GRIN2B: variants seen among roughly 807,000 people sequenced by gnomAD.
The protein encoded by GRIN2B is glutamate receptor ionotropic, NMDA 2B.
Under a neutral mutation model 114.5 loss-of-function variants are expected in GRIN2B, and 5 were observed. The observed-to-expected ratio is 0.04, with a 90% CI of 0.02 to 0.09. The LOEUF (loss-of-function observed/expected upper bound fraction) is 0.09, where lower values mean the gene tolerates loss of function less well. Ranked by LOEUF, GRIN2B falls within the 10% of genes least tolerant of loss-of-function variation. The pLI is 1.00. For synonymous variants in GRIN2B, 787 were observed against 745.1 expected (o/e 1.06, Z -0.92); for missense variants, 1,108 against 1,943.5 (o/e 0.57, Z 8.08).
At chr12:13,905,865 T>G (rs1010025970) in intron 2 of GRIN2B, among the ~76,000 whole-genome samples, 12 of 152,188 alleles carry the variant, frequency 7.9e-5, no homozygotes, top group Non-Finnish European at 1.5e-5. Flanking sequence ...CCCGTTCTGC[T>G]CAGCCTCAAG....
chr12:13,668,527 G>C (rs565623747), intron 5 of GRIN2B, among the ~76,000 whole-genome samples: 2 of 152,142 alleles, frequency 1.3e-5, no homozygotes, highest in African/African-American at 4.8e-5. Flanking sequence ...GAATGGTGTA[G>C]TCAAACAGGA....
rs57206826 is a variant in GRIN2B at position 13,547,981 on chromosome 12, A to ATTTTTTTTTTTTTTTTTTTTTTT, written c.*14801_*14802insAAAAAAAAAAAAAAAAAAAAAAA. On this transcript the variant is annotated 3_prime_UTR_variant, in exon 14 of 14. Transcript: ENST00000609686. ...TGTGTATATATATATATATATATATATTTTTTTTTTTTTTCTGAAAGCTAC... is the reference window on the plus strand; with the variant it reads ...TGTGTATATATATATATATATATATATTTTTTTTTTTTTTTTTTTTTTTTTTTTTTTTTTTTTCTGAAAGCTAC... 1 of 68,578 alleles carries ATTTTTTTTTTTTTTTTTTTTTTT rather than the reference A, an allele frequency of 1.5e-5. No individual in the cohort carries two copies. The highest frequency in any genetic ancestry group is 2.9e-5 in the Non-Finnish European group (1 of 34,410). The allele number at this position is 68,578 out of a possible 1,614,324, so 4.2% of individuals were successfully genotyped here.
chr12:13,933,886 G>A (rs576612238), intron 2 of GRIN2B, among the ~76,000 whole-genome samples: 24 of 152,286 alleles, frequency 1.6e-4, no homozygotes, highest in Non-Finnish European at 1.5e-5. Flanking sequence ...AGGGCTAGAA[G>A]CGGTAAGAGT....
At chr12:13,882,855 C>T (rs994998919) in intron 2 of GRIN2B, among the ~76,000 whole-genome samples, 1 of 152,134 alleles carries the variant, frequency 6.6e-6, no homozygotes, top group African/African-American at 2.4e-5. Flanking sequence ...ATATAACCAC[C>T]ACCATAACCA....
chr12:13,650,833 C>G (rs1949805959), intron 5 of GRIN2B, among the ~76,000 whole-genome samples: 1 of 152,080 alleles, frequency 6.6e-6, no homozygotes, highest in Admixed American at 6.6e-5. Context: ...AGAATGAATA[C>G]TCCATGAAGG....
chr12:13,895,186 A>G (rs1477236061), intron 2 of GRIN2B, among the ~76,000 whole-genome samples: 1 of 152,230 alleles, frequency 6.6e-6, no homozygotes, highest in Admixed American at 6.5e-5. Flanking sequence ...CAAAGAAATC[A>G]TGAGGTCAAA....
Position 13,562,630 on chromosome 12 carries a change from T to G in GRIN2B, c.*153A>C, listed in dbSNP as rs1443318793. On this transcript the variant is annotated 3_prime_UTR_variant, in exon 14 of 14. Transcript: ENST00000609686. Reference sequence around the variant, plus strand: ...TGCTGGTCACCAGGGTTGCCCCCAGTAGGAACCAGAACTCCAGGATCCCAT... The same window carrying G: ...TGCTGGTCACCAGGGTTGCCCCCAGGAGGAACCAGAACTCCAGGATCCCAT... The G allele has an allele frequency of 1.4e-6, 1 of 711,556 alleles. No individual in the cohort carries two copies. Among genetic ancestry groups the G allele is most frequent in the African/African-American group, 1.8e-5 (1 of 56,646 alleles). 44.1% of individuals were successfully genotyped at this position (711,556 alleles called of 1,614,324 possible). A position where few individuals can be genotyped will look rare whatever the true frequency, so the allele number is the denominator to read the frequency against.
intron 2 of GRIN2B, among the ~76,000 whole-genome samples, chr12:13,939,780 G>A (rs1867204047): frequency 6.6e-6 from 1 of 151,794 alleles, no homozygotes; most frequent in Admixed American, 6.6e-5. Context: ...AATGCTTCTT[G>A]TACAGCCTGC....
At chr12:13,963,960 G>T (rs962414541) in intron 2 of GRIN2B, among the ~76,000 whole-genome samples, 2 of 152,116 alleles carry the variant, frequency 1.3e-5, no homozygotes, top group Non-Finnish European at 2.9e-5. Context: ...ACTTTGAGAG[G>T]GGAGGAGAAC....
chr12:13,732,570 G>T (rs971201378), intron 4 of GRIN2B, among the ~76,000 whole-genome samples: 1 of 152,100 alleles, frequency 6.6e-6, no homozygotes, highest in African/African-American at 2.4e-5. Flanking sequence ...CATTTGAATT[G>T]TACTATACCA....
At chr12:13,746,347 T>C (rs993696750) in intron 4 of GRIN2B, among the ~76,000 whole-genome samples, 2 of 152,178 alleles carry the variant, frequency 1.3e-5, no homozygotes, top group Non-Finnish European at 2.9e-5. Context: ...ACCCATGCCA[T>C]TGTCACCAAC....
chr12:13,632,710 C>A (rs1234999759), intron 5 of GRIN2B, among the ~76,000 whole-genome samples: 3 of 152,078 alleles, frequency 2.0e-5, no homozygotes, highest in Non-Finnish European at 4.4e-5. Context: ...GGGTTGAGGG[C>A]TAAGCAAAGG....
Position 13,543,356 on chromosome 12 carries a change from A to G in GRIN2B, c.*19427T>C, listed in dbSNP as rs1948305710. ...CTGAGTGATCCCAGCTTGAATCTCA[A>G]TCCTCTGCCTCTAATATGCTTCATT... On this transcript the variant is annotated 3_prime_UTR_variant, in exon 14 of 14. Coordinates refer to ENST00000609686, the MANE Select transcript of GRIN2B (RefSeq NM_000834.5). The G allele has an allele frequency of 1.3e-5, 2 of 152,082 alleles. No individual in the cohort carries two copies. The highest frequency in any genetic ancestry group is 2.9e-5 in the Non-Finnish European group (2 of 68,024). The allele number at this position is 152,082 out of a possible 1,614,324, so 9.4% of individuals were successfully genotyped here.
intron 3 of GRIN2B, among the ~76,000 whole-genome samples, chr12:13,779,446 A>G (rs1864067126): frequency 6.6e-6 from 1 of 152,236 alleles, no homozygotes; most frequent in East Asian, 1.9e-4. Flanking sequence ...GCACTATCCA[A>G]CAGAAATATA....
intron 2 of GRIN2B, among the ~76,000 whole-genome samples, chr12:13,891,023 T>C (rs1025313346): frequency 6.6e-6 from 1 of 152,204 alleles, no homozygotes; most frequent in African/African-American, 2.4e-5. Context: ...CCTATCAGTA[T>C]TAGTGATGCA....
At chr12:13,700,048 G>A (rs1191906095) in intron 4 of GRIN2B, among the ~76,000 whole-genome samples, 1 of 152,114 alleles carries the variant, frequency 6.6e-6, no homozygotes, top group African/African-American at 2.4e-5. Context: ...TAACTGGGCA[G>A]AGGCAGCTCC....
intron 3 of GRIN2B, among the ~76,000 whole-genome samples, chr12:13,792,365 G>C (rs184101503): frequency 6.6e-6 from 1 of 152,214 alleles, no homozygotes; most frequent in South Asian, 2.1e-4. Context: ...TGAGAGAAGC[G>C]GTTTAGAAAC....
chr12:13,558,475 A>G lies in GRIN2B; in HGVS notation c.*4308T>C, dbSNP rs63287661. 6.3e-5 allele frequency: 3 copies of G among 47,852 alleles called. No homozygotes were observed. Among genetic ancestry groups the G allele is most frequent in the African/African-American group, 1.3e-4 (3 of 23,242 alleles). 3.0% of individuals were successfully genotyped at this position (47,852 alleles called of 1,614,324 possible). A position where few individuals can be genotyped will look rare whatever the true frequency, so the allele number is the denominator to read the frequency against. On this transcript the variant is annotated 3_prime_UTR_variant, in exon 14 of 14. Coordinates refer to ENST00000609686, the MANE Select transcript of GRIN2B (RefSeq NM_000834.5). ...TGAACTAACTAACTAAAAACCGACCAAAAAAAAAAAAAAAATGAACCAAAG... is the reference window on the plus strand; with the variant it reads ...TGAACTAACTAACTAAAAACCGACCGAAAAAAAAAAAAAAATGAACCAAAG...
chr12:13,738,276 T>C lies in GRIN2B; in HGVS notation c.1010+15041A>G, dbSNP rs563698560. 2.4e-3 allele frequency among the ~76,000 whole-genome samples: 364 copies of C among 152,364 alleles called. 1 individual carries two copies. Among genetic ancestry groups the C allele is most frequent in the South Asian group, 6.4e-3 (31 of 4,830 alleles). Reference sequence around the variant, plus strand: ...TTCTAGTGCTAATAACTTTCATTTTTAAAACCACTTGTGTACTCCAAAATT... The same window carrying C: ...TTCTAGTGCTAATAACTTTCATTTTCAAAACCACTTGTGTACTCCAAAATT... On this transcript the variant is annotated intron_variant, in intron 4 of 13. Coordinates refer to ENST00000609686, the MANE Select transcript of GRIN2B (RefSeq NM_000834.5).
Sources: allele counts gnomAD v4.1 joint callset (sites outside exome capture counted in the v4.1 genomes callset), GRCh38; gene constraint gnomAD v4.1.1; transcripts MANE v1.5; gene names NCBI Gene and HGNC (gene_info 2026-07-23, HGNC 2026-07-21).